Variants in FAM227A observed in about 807,000 individuals in gnomAD.
FAM227A encodes protein FAM227A.
In FAM227A, 80 loss-of-function variants were observed where a neutral mutation model predicts 74.7. The observed-to-expected ratio is 1.07, with a 90% CI of 0.89 to 1.29. The LOEUF is 1.29. Among genes scored for constraint, FAM227A ranks in the 50% most tolerant of loss-of-function variants. FAM227A has a pLI of 0.00. For synonymous variants in FAM227A, 237 were observed against 241.8 expected (o/e 0.98, Z 0.19); for missense variants, 654 against 683.4 (o/e 0.96, Z 0.48).
chr22:38,645,376 C>T (rs922183306), intron 3 of FAM227A, among the ~76,000 whole-genome samples, 187 bp downstream of exon 3: 8 of 151,758 alleles, frequency 5.3e-5, no homozygotes, highest in African/African-American at 7.3e-5. Context: ...AGCAACAAAG[C>T]GAGACTCCAT....
chr22:38,633,174 A>C (rs2145630282), intron 6 of FAM227A, among the ~76,000 whole-genome samples: 1 of 152,308 alleles, frequency 6.6e-6, no homozygotes, highest in Non-Finnish European at 1.5e-5. Context: ...CATGGCCCCT[A>C]AGCAGAGTAG....
intron 10 of FAM227A, among the ~76,000 whole-genome samples, chr22:38,622,873 CAAAAAA>C (rs138871600): frequency 6.6e-5 from 3 of 45,134 alleles, no homozygotes; most frequent in East Asian, 6.6e-4. Flanking sequence ...AAGACTGTCT[CAAAAAA>C]AAAAAAAAAA....
intron 11 of FAM227A, among the ~76,000 whole-genome samples, chr22:38,613,228 TTATATA>T (rs1296706898): frequency 1.8e-5 from 1 of 56,050 alleles, no homozygotes; most frequent in Non-Finnish European, 3.1e-5. Flanking sequence ...TGTATATATA[TTATATA>T]TATAATATAT....
rs898511043 is a variant in FAM227A, at chr22:38,648,759, G to A, written c.142+1268C>T. On this transcript the variant is annotated intron_variant, in intron 2 of 16. Coordinates refer to ENST00000535113, the MANE Select transcript of FAM227A (RefSeq NM_001013647.2). The stretch of plus-strand genomic sequence containing the variant: ...AGGCTGAGGTGGGTGGACCACCTGA[G>A]GTCAGGAGGTCGAGACCAGCCTGAC... Among the ~76,000 whole-genome samples the A allele has an allele frequency of 2.6e-5, 4 of 151,952 alleles. No homozygotes were observed. In the East Asian group the frequency reaches 7.7e-4, roughly 29 times the overall value.
intron 6 of FAM227A, among the ~76,000 whole-genome samples, chr22:38,632,082 C>T (rs140594991): frequency 5.3e-5 from 8 of 151,872 alleles, no homozygotes; most frequent in African/African-American, 1.2e-4. Flanking sequence ...AACAAGACGG[C>T]GAGCCCTGGA....
chr22:38,649,090 A>G (rs576000157), intron 2 of FAM227A, among the ~76,000 whole-genome samples: 3 of 152,208 alleles, frequency 2.0e-5, no homozygotes, highest in Non-Finnish European at 4.4e-5. Flanking sequence ...ATAGAAGGGA[A>G]AGATGGCAAC....
chr22:38,607,118 A>C (rs954998047), intron 12 of FAM227A, among the ~76,000 whole-genome samples: 1 of 148,264 alleles, frequency 6.7e-6, no homozygotes, highest in African/African-American at 2.5e-5. Flanking sequence ...CGGAGGCTGC[A>C]GTGAGCTGAG....
chr22:38,656,314 G>T lies in FAM227A; in HGVS notation c.-289C>A, dbSNP rs2092392064. On this transcript the variant is annotated 5_prime_UTR_variant, in exon 1 of 17. Coordinates refer to ENST00000535113, the MANE Select transcript of FAM227A (RefSeq NM_001013647.2). ...CCATTTTGCTACTCTGAGTCCAGGC[G>T]TTCTCTAGGCAACGCCGGCGCGGTC... 1 of 152,356 alleles carries T rather than the reference G, an allele frequency of 6.6e-6. No homozygotes were observed. Among genetic ancestry groups the T allele is most frequent in the African/African-American group, 2.4e-5 (1 of 41,470 alleles). The allele number at this position is 152,356 out of a possible 1,614,324, so 9.4% of individuals were successfully genotyped here.
Position 38,616,682 on chromosome 22 carries a change from T to A in FAM227A, c.1038+3530A>T, listed in dbSNP as rs868598022. On this transcript the variant is annotated intron_variant, in intron 11 of 16. Coordinates refer to ENST00000535113, the MANE Select transcript of FAM227A (RefSeq NM_001013647.2). The stretch of plus-strand genomic sequence containing the variant: ...ACTCCATCTCAAAAAAAAAAAAAAA[T>A]AATAAGTTCTGGAGTGAAAGGGAGC... Among the ~76,000 whole-genome samples the A allele has an allele frequency of 1.9e-3, 278 of 145,062 alleles. 2 individuals are homozygous for A. The highest frequency in any genetic ancestry group is 6.0e-3 in the African/African-American group (233 of 38,982).
In FAM227A at chr22:38,650,014, A is replaced by C; in HGVS notation, c.142+13T>G. 6.4e-7 allele frequency: 1 copy of C among 1,552,090 alleles called. No homozygotes were observed. The highest frequency in any genetic ancestry group is 1.2e-5 in the South Asian group (1 of 83,998). On this transcript the variant is annotated intron_variant, in intron 2 of 16. Transcript: ENST00000535113. ...ATTTGGTCTGATTGTAGGTGACATCACCAGAAGGATACAGGGTGGATTGTT... is the reference window on the plus strand; with the variant it reads ...ATTTGGTCTGATTGTAGGTGACATCCCCAGAAGGATACAGGGTGGATTGTT...
At chr22:38,616,536 C>A (rs1451941226) in intron 11 of FAM227A, among the ~76,000 whole-genome samples, 1 of 151,954 alleles carries the variant, frequency 6.6e-6, no homozygotes, top group African/African-American at 2.4e-5. Context: ...CATGGTGGTG[C>A]AAGCCTGTAA....
At position 38,628,886 on chromosome 22, in the gene FAM227A, G is replaced by C. The variant is rs201706431; in HGVS notation, c.569C>G (p.Pro190Arg). The C allele has an allele frequency of 4.5e-6, 7 of 1,546,840 alleles. No homozygotes were observed. The highest frequency in any genetic ancestry group is 2.0e-5 in the Admixed American group (1 of 50,274). ...AAAGCTATCCAGCCAGATGGCTCTT[G>C]GAGAAGAAGAAGAGAGAAACTTCTC... The part of the protein sequence containing the change: ...ELEKFLSSSS[P>R]RAIWLDSFWW... The change falls in exon 7 of 17, where the codon CCA becomes CGA. Residue 190 changes from proline to arginine, a missense_variant. Transcript: ENST00000535113.
Position 38,639,638 on chromosome 22 carries a change from G to C in FAM227A, c.295+17C>G, listed in dbSNP as rs1603047206. The C allele has an allele frequency of 1.9e-6, 3 of 1,551,308 alleles. No individual in the cohort carries two copies. Among genetic ancestry groups the C allele is most frequent in the East Asian group, 2.4e-5 (1 of 40,928 alleles). ...ACCCCATGAAAAGAGCATCAAGGCT[G>C]AGGGAAAGGTTTTTGCCTTTGTCTT... is the stretch of plus-strand genomic sequence containing the variant. On this transcript the variant is annotated intron_variant, in intron 4 of 16. Transcript: ENST00000535113.
At position 38,645,605 on chromosome 22, in the gene FAM227A, A is replaced by T. The variant is rs1252563120; in HGVS notation, c.183T>A (p.Ile61=). Residue 61 remains isoleucine (I), a synonymous_variant, in exon 3 of 17, where the codon ATT becomes ATA. Transcript: ENST00000535113. ...IGSMHQVNQK[I]ADINLRTEPS... ...GCTCGGTACGCAGATTTATGTCAGCAATCTTTTGGTTCACCTGGTGCATGG... is the reference window on the plus strand; with the variant it reads ...GCTCGGTACGCAGATTTATGTCAGCTATCTTTTGGTTCACCTGGTGCATGG... 1 of 1,551,250 alleles carries T rather than the reference A, an allele frequency of 6.4e-7. No individual in the cohort carries two copies. The highest frequency in any genetic ancestry group is 8.7e-7 in the Non-Finnish European group (1 of 1,146,898).
rs1314529917 is a variant in FAM227A at position 38,645,685 on chromosome 22, TACAC to T, written c.143-44_143-41del. ...TGCTAAGGAAACTCAGGGTGATGATTACACACACAACAGGATGGGGCTTGTCTGG... is the reference window on the plus strand; with the variant it reads ...TGCTAAGGAAACTCAGGGTGATGATTACACAACAGGATGGGGCTTGTCTGG... On this transcript the variant is annotated intron_variant, in intron 2 of 16. Coordinates refer to ENST00000535113, the MANE Select transcript of FAM227A (RefSeq NM_001013647.2). 4.6e-6 allele frequency: 6 copies of T among 1,314,394 alleles called. No homozygotes were observed. The East Asian group carries it at 7.6e-5, about 17-fold the overall frequency. 81.4% of individuals were successfully genotyped at this position (1,314,394 alleles called of 1,614,324 possible). A position where few individuals can be genotyped will look rare whatever the true frequency, so the allele number is the denominator to read the frequency against.
At chr22:38,617,629 G>A (rs943284109) in intron 11 of FAM227A, among the ~76,000 whole-genome samples, 25 of 152,124 alleles carry the variant, frequency 1.6e-4, no homozygotes, top group African/African-American at 6.0e-4. Context: ...AGCCTCCAAT[G>A]CCATTTGTTA....
chr22:38,631,782 C>A (rs1458952748), intron 6 of FAM227A, among the ~76,000 whole-genome samples: 1 of 152,244 alleles, frequency 6.6e-6, no homozygotes, highest in East Asian at 1.9e-4. Context: ...GGTACTGGTG[C>A]TGAGACATTT....
At position 38,580,942 on chromosome 22, in the gene FAM227A, C is replaced by G. The variant is rs1241857037; in HGVS notation, c.*5183G>C. On this transcript the variant is annotated 3_prime_UTR_variant, in exon 17 of 17. Transcript: ENST00000535113. ...TCCAGGCATGCACCACCACGCCTGG[C>G]TGATTTTTGTATTTTTAGTAGAGAC... is the stretch of plus-strand genomic sequence containing the variant. 1 of 152,190 alleles carries G rather than the reference C, an allele frequency of 6.6e-6. No homozygotes were observed. The highest frequency in any genetic ancestry group is 1.9e-4 in the East Asian group (1 of 5,198). The allele number at this position is 152,190 out of a possible 1,614,324, so 9.4% of individuals were successfully genotyped here.
At chr22:38,629,508 C>T (rs2091874743) in intron 6 of FAM227A, among the ~76,000 whole-genome samples, 1 of 152,244 alleles carries the variant, frequency 6.6e-6, no homozygotes, top group Non-Finnish European at 1.5e-5. Flanking sequence ...CCTCCTCTCA[C>T]TTTATTTTCC....
Sources: allele counts gnomAD v4.1 joint callset (sites outside exome capture counted in the v4.1 genomes callset), GRCh38; gene constraint gnomAD v4.1.1; transcripts MANE v1.5; gene names NCBI Gene and HGNC (gene_info 2026-07-23, HGNC 2026-07-21).